Variants in LRRC37A2 observed in about 807,000 individuals in gnomAD.
The protein encoded by LRRC37A2 is leucine-rich repeat-containing protein 37A2.
Under a neutral mutation model 68.8 loss-of-function variants are expected in LRRC37A2, and 9 were observed. The observed-to-expected ratio is 0.13, with a 90% CI of 0.08 to 0.23. The LOEUF is 0.23. Among genes scored for constraint, LRRC37A2 ranks in the 10% least tolerant of loss-of-function variants. The pLI is 1.00. For synonymous variants in LRRC37A2, 63 were observed against 367.6 expected (o/e 0.17, Z 9.48); for missense variants, 168 against 950.4 (o/e 0.18, Z 10.82).
the LRRC37A2 span, among the ~76,000 whole-genome samples, chr17:46,946,336 C>T: frequency 2.0e-5 from 3 of 150,370 alleles, no homozygotes; most frequent in Non-Finnish European, 3.0e-5. Flanking sequence ...TGGCGCATGC[C>T]TGTAATCCCA....
chr17:47,044,212 C>A, the LRRC37A2 span, among the ~76,000 whole-genome samples: 1 of 149,568 alleles, frequency 6.7e-6, no homozygotes, highest in South Asian at 2.1e-4. Flanking sequence ...TCTTTGCTAT[C>A]CACTTTTTTT....
chr17:46,763,478 C>G, the LRRC37A2 span: 1 of 152,196 alleles, frequency 6.6e-6, no homozygotes, highest in Non-Finnish European at 1.5e-5. Flanking sequence ...GGAAAGAACT[C>G]TGTGTCTGTG....
chr17:46,772,284 G>T, the LRRC37A2 span, among the ~76,000 whole-genome samples: 1 of 152,228 alleles, frequency 6.6e-6, no homozygotes, highest in African/African-American at 2.4e-5. Flanking sequence ...CCTGTCCTCG[G>T]GCCATCTAGG....
chr17:46,610,077 C>CT, the LRRC37A2 span, among the ~76,000 whole-genome samples: 4 of 90,192 alleles, frequency 4.4e-5, no homozygotes, highest in African/African-American at 1.7e-4. Flanking sequence ...CCTTTCTTTC[C>CT]TTCTTTCTTT....
the LRRC37A2 span, chr17:46,966,642 C>A: frequency 1.6e-6 from 1 of 627,730 alleles, no homozygotes; most frequent in South Asian, 1.8e-5. Context: ...AGCCACCACC[C>A]TGACCTCCAA....
chr17:47,019,380 A>G, the LRRC37A2 span: 6 of 1,610,586 alleles, frequency 3.7e-6, no homozygotes, highest in African/African-American at 1.4e-5. Flanking sequence ...CATAACTACA[A>G]TACCTACTAC....
chr17:46,878,385 G>A, the LRRC37A2 span, among the ~76,000 whole-genome samples: 2 of 152,250 alleles, frequency 1.3e-5, no homozygotes, highest in African/African-American at 4.8e-5. Flanking sequence ...AGACCTCCAA[G>A]GGCGAGGAGG....
At chr17:46,542,642 C>A (rs1306917214) in intron 8 of LRRC37A2, among the ~76,000 whole-genome samples, 1 of 150,396 alleles carries the variant, frequency 6.6e-6, no homozygotes. Context: ...TTGCAGTGAG[C>A]CAAGATGGCA....
the LRRC37A2 span, chr17:46,749,964 T>C: frequency 6.4e-7 from 1 of 1,568,998 alleles, no homozygotes; most frequent in African/African-American, 1.4e-5. Flanking sequence ...GAGGCTGAAA[T>C]AAGTAGTACC....
chr17:46,770,129 G>C, the LRRC37A2 span: 2 of 1,456,888 alleles, frequency 1.4e-6, no homozygotes, highest in South Asian at 2.8e-5. Context: ...AGGCCAGGAC[G>C]TGAGGGGAAC....
At chr17:47,022,897 T>C in the LRRC37A2 span, among the ~76,000 whole-genome samples, 233 of 152,376 alleles carry the variant, frequency 1.5e-3, 1 homozygote, top group African/African-American at 5.2e-3. Context: ...TGCTTCTTTG[T>C]GAACATGTGC....
chr17:46,754,491 AG>A, the LRRC37A2 span, among the ~76,000 whole-genome samples: 1 of 152,214 alleles, frequency 6.6e-6, no homozygotes, highest in Non-Finnish European at 1.5e-5. Flanking sequence ...TTTAAAAGTT[AG>A]GTGTGTTTCT....
At chr17:46,467,533 T>C in the LRRC37A2 span, among the ~76,000 whole-genome samples, 3 of 103,402 alleles carry the variant, frequency 2.9e-5, 1 homozygote, top group Non-Finnish European at 4.2e-5. Flanking sequence ...CATGGCTACA[T>C]AGGTAACTTT....
chr17:46,438,320 G>A, the LRRC37A2 span, among the ~76,000 whole-genome samples: 4 of 71,992 alleles, frequency 5.6e-5, no homozygotes, highest in African/African-American at 1.6e-4. Flanking sequence ...TTTTTTTCAT[G>A]TTATCTAGAA....
At chr17:46,512,916 A>T (rs535443275) in exon 2 of LRRC37A2, 1 of 801,656 alleles carries the variant, frequency 1.2e-6, no homozygotes, top group East Asian at 2.5e-5. Context: ...CCCATTTCCC[A>T]CGGGAATCTC....
At chr17:46,931,634 A>C in the LRRC37A2 span, 3 of 280,884 alleles carry the variant, frequency 1.1e-5, no homozygotes, top group Admixed American at 1.1e-4. Flanking sequence ...GCATGAAATT[A>C]AAATGAAACC....
chr17:46,806,990 G>A, the LRRC37A2 span, among the ~76,000 whole-genome samples: 31 of 152,384 alleles, frequency 2.0e-4, no homozygotes, highest in East Asian at 5.8e-3. Context: ...CAAGGCAAGG[G>A]AGGGTGGGAG....
the LRRC37A2 span, among the ~76,000 whole-genome samples, chr17:46,445,315 A>G: frequency 4.7e-5 from 3 of 63,884 alleles, no homozygotes; most frequent in Non-Finnish European, 7.0e-5. Context: ...AGCTGTACTC[A>G]AGTACAGAAA....
chr17:46,933,977 A>G, the LRRC37A2 span, among the ~76,000 whole-genome samples: 1 of 151,150 alleles, frequency 6.6e-6, no homozygotes, highest in Non-Finnish European at 1.5e-5. Context: ...CCCCAGCACT[A>G]CTTGGCAGGA....
Sources: allele counts gnomAD v4.1 joint callset (sites outside exome capture counted in the v4.1 genomes callset), GRCh38; gene constraint gnomAD v4.1.1; transcripts MANE v1.5; gene names NCBI Gene and HGNC (gene_info 2026-07-23, HGNC 2026-07-21).